USP43: variants seen among roughly 807,000 people sequenced by gnomAD.
The protein encoded by USP43 is ubiquitin specific peptidase 43.
USP43 carries 33 observed loss-of-function variants against 90.7 expected under a neutral mutation model. The ratio of observed to expected loss-of-function variants is 0.36; its 90% confidence interval spans 0.28 to 0.49. The LOEUF (loss-of-function observed/expected upper bound fraction) is 0.49. Ranked by LOEUF, USP43 falls within the 20% of genes least tolerant of loss-of-function variation. USP43 has a pLI of 0.98. For synonymous variants in USP43, 598 were observed against 615.8 expected (o/e 0.97, Z 0.43); for missense variants, 1,274 against 1,476.4 (o/e 0.86, Z 2.25).
chr17:9,648,157 G>C (rs528687335), intron 1 of USP43, among the ~76,000 whole-genome samples: 1 of 152,258 alleles, frequency 6.6e-6, no homozygotes, highest in Non-Finnish European at 1.5e-5. Context: ...GGGAATTGAA[G>C]GATAATCAAG....
chr17:9,666,585 C>G, intron 2 of USP43, 63 bp from the exon 3 acceptor site: 2 of 1,376,710 alleles, frequency 1.5e-6, no homozygotes, highest in Non-Finnish European at 2.0e-6. Flanking sequence ...GCTCGGTGGT[C>G]TGGAAGCAGT....
At chr17:9,693,946 T>G (rs1390766580) in intron 9 of USP43, among the ~76,000 whole-genome samples, 3 of 152,190 alleles carry the variant, frequency 2.0e-5, no homozygotes, top group African/African-American at 7.2e-5. Flanking sequence ...CTACAGCTGA[T>G]TCATTGGTCC....
At chr17:9,717,807 T>G (rs1377035575) in intron 14 of USP43, among the ~76,000 whole-genome samples, 1 of 151,826 alleles carries the variant, frequency 6.6e-6, no homozygotes, top group East Asian at 1.9e-4. Flanking sequence ...TCACATTTTT[T>G]TTTTTTTTGA....
intron 7 of USP43, among the ~76,000 whole-genome samples, chr17:9,684,843 A>G (rs1458396265): frequency 6.6e-6 from 1 of 152,030 alleles, no homozygotes; most frequent in African/African-American, 2.4e-5. Flanking sequence ...ACTATTCTTA[A>G]CCTCTTAGAT....
Position 9,684,173 on chromosome 17 carries a change from A to G in USP43, c.1241+1215A>G, listed in dbSNP as rs146203307. Among the ~76,000 whole-genome samples the G allele has an allele frequency of 3.0e-3, 458 of 152,174 alleles. 1 individual carries two copies. The highest frequency in any genetic ancestry group is 6.2e-3 in the South Asian group (30 of 4,824). On this transcript the variant is annotated intron_variant, in intron 7 of 14. Coordinates refer to ENST00000285199, the MANE Select transcript of USP43 (RefSeq NM_153210.5). Reference sequence around the variant, plus strand: ...TAAATAAAAAATAAAAAATAAATTAATAAAGACAACATGGGAGAATATTTA... The same window carrying G: ...TAAATAAAAAATAAAAAATAAATTAGTAAAGACAACATGGGAGAATATTTA...
chr17:9,708,710 C>G (rs1383764185), intron 12 of USP43, among the ~76,000 whole-genome samples: 1 of 152,124 alleles, frequency 6.6e-6, no homozygotes, highest in Non-Finnish European at 1.5e-5. Flanking sequence ...TCACTGCAAC[C>G]TCTGCCTCCT....
chr17:9,712,855 CATA>C (rs1330918256), intron 14 of USP43, among the ~76,000 whole-genome samples: 6 of 152,232 alleles, frequency 3.9e-5, no homozygotes, highest in Non-Finnish European at 5.9e-5. Context: ...AAAATTGACA[CATA>C]ATAATTGTAC....
upstream of USP43, chr17:9,645,474 C>CG (rs1390683321): frequency 1.6e-6 from 1 of 632,126 alleles, no homozygotes; most frequent in Non-Finnish European, 2.1e-6. The surrounding 1 kb of genome is among the most constrained non-coding windows in gnomAD (Gnocchi z 6.8). Flanking sequence ...CCGCGCGGGG[C>CG]GGGGCTGCCC....
chr17:9,680,080 G>C (rs187441618), intron 5 of USP43, 151 bp from the exon 6 acceptor site: 4 of 519,836 alleles, frequency 7.7e-6, no homozygotes, highest in Non-Finnish European at 1.3e-5. Context: ...TCTAATGGTT[G>C]TATCTACTAT....
chr17:9,657,399 C>T (rs962654516), intron 2 of USP43, among the ~76,000 whole-genome samples: 17 of 151,300 alleles, frequency 1.1e-4, no homozygotes, highest in African/African-American at 3.7e-4. Flanking sequence ...CTCAGCTACT[C>T]GGGAGGCTGA....
chr17:9,715,150 G>A (rs1417191772), intron 14 of USP43, among the ~76,000 whole-genome samples: 1 of 152,194 alleles, frequency 6.6e-6, no homozygotes, highest in South Asian at 2.1e-4. Context: ...TGGGAACAAG[G>A]GGGTAACCAC....
At chr17:9,690,110 T>C (rs1052200652) in intron 8 of USP43, among the ~76,000 whole-genome samples, 1 of 152,158 alleles carries the variant, frequency 6.6e-6, no homozygotes, top group Non-Finnish European at 1.5e-5. Context: ...TTGTGGCCGA[T>C]GCTCCCTGCA....
rs2151993915 is a variant in USP43, at chr17:9,709,703, G to A, written c.2012-253G>A. ...TTCACTCCAGCCTGGGTGACAGAGC[G>A]AAACTCCGTCTCAAAAATAAATAAA... is the stretch of plus-strand genomic sequence containing the variant. On this transcript the variant is annotated intron_variant, in intron 12 of 14. Coordinates refer to ENST00000285199, the MANE Select transcript of USP43 (RefSeq NM_153210.5). The surrounding 1 kb of genome is among the most constrained non-coding windows in gnomAD (Gnocchi z 5.0). 6.6e-6 allele frequency among the ~76,000 whole-genome samples: 1 copy of A among 152,048 alleles called. No homozygotes were observed. Among genetic ancestry groups the A allele is most frequent in the South Asian group, 2.1e-4 (1 of 4,806 alleles).
At chr17:9,716,902 G>A (rs1219080306) in intron 14 of USP43, among the ~76,000 whole-genome samples, 5 of 152,124 alleles carry the variant, frequency 3.3e-5, no homozygotes, top group Non-Finnish European at 7.4e-5. Flanking sequence ...TTGGGAGGCC[G>A]AGGTGGGAGG....
intron 13 of USP43, among the ~76,000 whole-genome samples, chr17:9,711,612 G>T (rs1180146993): frequency 6.6e-6 from 1 of 152,008 alleles, no homozygotes; most frequent in African/African-American, 2.4e-5. Flanking sequence ...TGTATTTTTA[G>T]TAGAGATGGG....
At position 9,681,485 on chromosome 17, in the gene USP43, T is replaced by C. The variant is rs28386479; in HGVS notation, c.1105+1119T>C. 8.4e-4 allele frequency among the ~76,000 whole-genome samples: 29 copies of C among 34,478 alleles called. 2 individuals carry two copies. Among genetic ancestry groups the C allele is most frequent in the African/African-American group, 3.2e-3 (28 of 8,800 alleles). The allele number at this position is 34,478 out of a possible 152,430, so 22.6% of individuals were successfully genotyped here. A position where few individuals can be genotyped will look rare whatever the true frequency, so the allele number is the denominator to read the frequency against. ...TATTATATATATATATATATATATATATATATATATATATATATATATATT... is the reference window on the plus strand; with the variant it reads ...TATTATATATATATATATATATATACATATATATATATATATATATATATT... On this transcript the variant is annotated intron_variant, in intron 6 of 14. Transcript: ENST00000285199.
chr17:9,647,936 G>A (rs753019449), intron 1 of USP43, among the ~76,000 whole-genome samples: 1 of 152,172 alleles, frequency 6.6e-6, no homozygotes, highest in African/African-American at 2.4e-5. Flanking sequence ...CAGGAGAATG[G>A]CGTGAACCTG....
At chr17:9,667,545 G>A (rs1913118762) in intron 3 of USP43, among the ~76,000 whole-genome samples, 1 of 152,236 alleles carries the variant, frequency 6.6e-6, no homozygotes, top group Non-Finnish European at 1.5e-5. Context: ...TTCAGTGAAA[G>A]CGCTGACAGC....
At position 9,728,240 on chromosome 17, in the gene USP43, T is replaced by C. The variant is rs1247877939; in HGVS notation, c.2622T>C (p.Ala874=). ...CGAGGTCCAACGTCGCCCTTCCTGC[T>C]AACAGCGAAGATGGTGGGCGGGCCA... ...ASPRSNVALP[A]NSEDGGRAIE... The change falls in exon 15 of 15, where the codon GCT becomes GCC. Residue 874 remains alanine (A), a synonymous_variant. Transcript: ENST00000285199. This position sits in a 1 kb window ranked among gnomAD's most constrained non-coding sequence, Gnocchi z 6.2. 7.4e-6 allele frequency: 12 copies of C among 1,613,682 alleles called. No individual in the cohort carries two copies. The highest frequency in any genetic ancestry group is 4.5e-5 in the East Asian group (2 of 44,870).
Sources: allele counts gnomAD v4.1 joint callset (sites outside exome capture counted in the v4.1 genomes callset), GRCh38; gene constraint gnomAD v4.1.1; non-coding constraint Gnocchi (gnomAD v3.1); transcripts MANE v1.5; gene names NCBI Gene and HGNC (gene_info 2026-07-23, HGNC 2026-07-21).